Variants in NXPH1 observed in about 807,000 individuals in gnomAD.
NXPH1 encodes neurexophilin-1.
In NXPH1, 5 loss-of-function variants were observed where a neutral mutation model predicts 23.7. The ratio of observed to expected loss-of-function variants is 0.21; its 90% confidence interval spans 0.11 to 0.44. The LOEUF is 0.44. Ranked by LOEUF, NXPH1 falls within the 20% of genes least tolerant of loss-of-function variation. NXPH1 has a pLI of 0.99. For missense variants in NXPH1, 324 were observed against 321.6 expected (o/e 1.01, Z -0.06); for synonymous variants, 144 against 122.2 (o/e 1.18, Z -1.18).
chr7:8,505,810 C>T lies in NXPH1; in HGVS notation c.54+70043C>T, dbSNP rs114265676. Among the ~76,000 whole-genome samples, 449 of 152,152 alleles carry T rather than the reference C, an allele frequency of 3.0e-3. 2 individuals carry two copies. Among genetic ancestry groups the T allele is most frequent in the African/African-American group, 9.8e-3 (408 of 41,548 alleles). On this transcript the variant is annotated intron_variant, in intron 2 of 2. Transcript: ENST00000405863. ...GTGTCATTGTTTGCTAGAAAATTGA[C>T]TCTGAGGAGCATGCAGGTGTTTCTG...
chr7:8,668,705 C>G (rs1820819621), intron 2 of NXPH1, among the ~76,000 whole-genome samples: 1 of 152,154 alleles, frequency 6.6e-6, no homozygotes, highest in Non-Finnish European at 1.5e-5. Flanking sequence ...TCTACTAGAA[C>G]AGGCCTGGAG....
intron 2 of NXPH1, among the ~76,000 whole-genome samples, chr7:8,675,784 T>C (rs1378869322): frequency 6.6e-6 from 1 of 152,170 alleles, no homozygotes; most frequent in Non-Finnish European, 1.5e-5. Flanking sequence ...TGGAAAGATA[T>C]GGAGGCCTTG....
rs572236563 is a variant in NXPH1, at chr7:8,543,731, A to C, written c.54+107964A>C. ...TATGTCAACAGGTAGCATGCTAAGCATATAATGGATCCTTAATAAATGCTT... is the reference window on the plus strand; with the variant it reads ...TATGTCAACAGGTAGCATGCTAAGCCTATAATGGATCCTTAATAAATGCTT... On this transcript the variant is annotated intron_variant, in intron 2 of 2. Coordinates refer to ENST00000405863, the MANE Select transcript of NXPH1 (RefSeq NM_152745.3). Among the ~76,000 whole-genome samples, 6 of 151,792 alleles carry C rather than the reference A, an allele frequency of 4.0e-5. No individual in the cohort carries two copies. In the East Asian group the frequency reaches 1.2e-3, roughly 30 times the overall value.
intron 2 of NXPH1, among the ~76,000 whole-genome samples, chr7:8,627,869 G>T (rs552561462): frequency 6.6e-6 from 1 of 152,082 alleles, no homozygotes; most frequent in East Asian, 1.9e-4. Context: ...AAGCCTCTTT[G>T]GTTCTCTAGA....
intron 2 of NXPH1, among the ~76,000 whole-genome samples, chr7:8,521,867 G>T (rs937841276): frequency 6.6e-6 from 1 of 152,110 alleles, no homozygotes; most frequent in African/African-American, 2.4e-5. Flanking sequence ...GAAGCGATTT[G>T]AAGGATATGG....
intron 2 of NXPH1, among the ~76,000 whole-genome samples, chr7:8,743,899 T>C (rs2115229898): frequency 6.6e-6 from 1 of 152,126 alleles, no homozygotes; most frequent in Non-Finnish European, 1.5e-5. Context: ...TTAGCCAGGA[T>C]GGTCTCTACC....
At chr7:8,738,377 C>T (rs1301853070) in intron 2 of NXPH1, among the ~76,000 whole-genome samples, 1 of 152,190 alleles carries the variant, frequency 6.6e-6, no homozygotes, top group African/African-American at 2.4e-5. Flanking sequence ...ACAGTTAGGA[C>T]CCTCTGCTGC....
At chr7:8,668,809 C>T (rs575696867) in intron 2 of NXPH1, among the ~76,000 whole-genome samples, 127 of 152,110 alleles carry the variant, frequency 8.3e-4, no homozygotes, top group Non-Finnish European at 1.4e-3. Context: ...GGGGGCTGGC[C>T]TGGAGCCTGG....
intron 2 of NXPH1, among the ~76,000 whole-genome samples, chr7:8,702,928 A>T (rs1384728049): frequency 6.6e-6 from 1 of 152,028 alleles, no homozygotes; most frequent in East Asian, 1.9e-4. Context: ...CTACCCTTCC[A>T]TACTCTGATC....
At chr7:8,673,708 A>T (rs1042789850) in intron 2 of NXPH1, among the ~76,000 whole-genome samples, 1 of 152,158 alleles carries the variant, frequency 6.6e-6, no homozygotes, top group Admixed American at 6.5e-5. Flanking sequence ...GAATTATTTC[A>T]TGAAAGGGAT....
intron 2 of NXPH1, among the ~76,000 whole-genome samples, chr7:8,436,137 G>T (rs1000282775): frequency 2.0e-5 from 3 of 152,156 alleles, no homozygotes; most frequent in African/African-American, 7.2e-5. Flanking sequence ...GGAAGTGGGG[G>T]TGTAGTTGGG....
At chr7:8,620,318 G>A (rs567844487) in intron 2 of NXPH1, among the ~76,000 whole-genome samples, 1 of 152,170 alleles carries the variant, frequency 6.6e-6, no homozygotes, top group South Asian at 2.1e-4. Flanking sequence ...TACCTCCAAG[G>A]AACCTCCCCT....
At chr7:8,580,486 G>A (rs1818844619) in intron 2 of NXPH1, among the ~76,000 whole-genome samples, 1 of 152,136 alleles carries the variant, frequency 6.6e-6, no homozygotes, top group Admixed American at 6.5e-5. Flanking sequence ...AGATTAGGGG[G>A]CTGAGAATGG....
At chr7:8,487,306 T>G (rs147847464) in intron 2 of NXPH1, among the ~76,000 whole-genome samples, 162 of 152,252 alleles carry the variant, frequency 1.1e-3, no homozygotes, top group Middle Eastern at 3.4e-3. Flanking sequence ...TTTTCCCATG[T>G]TGTTCTTATG....
At chr7:8,731,863 C>T (rs1279822678) in intron 2 of NXPH1, among the ~76,000 whole-genome samples, 1 of 152,238 alleles carries the variant, frequency 6.6e-6, no homozygotes, top group Non-Finnish European at 1.5e-5. Flanking sequence ...CTGTGGTGGG[C>T]TCCACCCAGT....
Position 8,563,537 on chromosome 7 carries a change from T to C in NXPH1, c.54+127770T>C, listed in dbSNP as rs145778468. Among the ~76,000 whole-genome samples, 1,091 of 151,790 alleles carry C rather than the reference T, an allele frequency of 7.2e-3. 10 individuals are homozygous for C. Among genetic ancestry groups the C allele is most frequent in the African/African-American group, 0.023 (961 of 41,452 alleles). ...ATAGGAAAGGAGGATGCAGAAGGGA[T>C]TGAAACAAGACTCGGAAGCACTTTC... is the stretch of plus-strand genomic sequence containing the variant. On this transcript the variant is annotated intron_variant, in intron 2 of 2. Transcript: ENST00000405863.
intron 2 of NXPH1, among the ~76,000 whole-genome samples, chr7:8,567,333 CA>C (rs1818564034): frequency 6.6e-6 from 1 of 151,888 alleles, no homozygotes; most frequent in Admixed American, 6.6e-5. Context: ...CGCCTCTGGT[CA>C]AATCATTTCT....
intron 2 of NXPH1, among the ~76,000 whole-genome samples, chr7:8,630,630 A>G (rs971074657): frequency 6.6e-6 from 1 of 152,206 alleles, no homozygotes; most frequent in East Asian, 1.9e-4. Flanking sequence ...AATGTAATTA[A>G]AACTACTGAA....
intron 2 of NXPH1, among the ~76,000 whole-genome samples, chr7:8,608,943 C>T (rs1009577623): frequency 6.6e-6 from 1 of 152,024 alleles, no homozygotes; most frequent in Non-Finnish European, 1.5e-5. Flanking sequence ...ACAGTAAGTC[C>T]TCACCTAATG....
Sources: allele counts gnomAD v4.1 joint callset (sites outside exome capture counted in the v4.1 genomes callset), GRCh38; gene constraint gnomAD v4.1.1; transcripts MANE v1.5; gene names NCBI Gene and HGNC (gene_info 2026-07-23, HGNC 2026-07-21).